Variants in LRRC49 observed in about 807,000 individuals in gnomAD.
LRRC49 encodes the protein leucine-rich repeat-containing protein 49.
Under a neutral mutation model 83.3 loss-of-function variants are expected in LRRC49, and 50 were observed. That is an observed-to-expected ratio of 0.60 (90% CI 0.48 to 0.76). The LOEUF (loss-of-function observed/expected upper bound fraction) is 0.76. Ranked by LOEUF, LRRC49 falls within the 30% of genes least tolerant of loss-of-function variation. The pLI is 0.00. For missense variants in LRRC49, 704 were observed against 809.1 expected (o/e 0.87, Z 1.58); for synonymous variants, 286 against 283.3 (o/e 1.01, Z -0.10).
intron 11 of LRRC49, among the ~76,000 whole-genome samples, chr15:71,006,473 CCTT>C (rs919124916): frequency 2.6e-5 from 4 of 152,084 alleles, no homozygotes; most frequent in Non-Finnish European, 4.4e-5. Flanking sequence ...TGTGGGTAAA[CCTT>C]CTTGCTAAAC....
At chr15:70,895,247 A>G (rs1313623487) in intron 2 of LRRC49, among the ~76,000 whole-genome samples, 2 of 152,150 alleles carry the variant, frequency 1.3e-5, no homozygotes, top group Admixed American at 1.3e-4. Flanking sequence ...CCCACCAGAT[A>G]ATTATTTTAG....
Position 70,986,677 on chromosome 15 carries a change from T to C in LRRC49, c.1169+2420T>C, listed in dbSNP as rs960927970. Among the ~76,000 whole-genome samples, 86 of 152,140 alleles carry C rather than the reference T, an allele frequency of 5.7e-4. 1 individual carries two copies. The highest frequency in any genetic ancestry group is 1.1e-3 in the Non-Finnish European group (73 of 68,020). On this transcript the variant is annotated intron_variant, in intron 11 of 15. Transcript: ENST00000260382. ...CCAGAACTTCCAACACTGTGTTGAA[T>C]AGGAGTGGTGAGAGAGGGCATCCCT...
intron 11 of LRRC49, among the ~76,000 whole-genome samples, chr15:71,002,160 G>A (rs971969472): frequency 2.0e-5 from 3 of 152,118 alleles, no homozygotes; most frequent in Non-Finnish European, 4.4e-5. Context: ...TCAGAGGGCC[G>A]CAAAGTTTCT....
At chr15:70,882,628 C>T (rs143098607) in intron 2 of LRRC49, 20 of 1,613,776 alleles carry the variant, frequency 1.2e-5, no homozygotes, top group Middle Eastern at 1.6e-4. Flanking sequence ...TTTTTCCAAA[C>T]GCTTTCACTT....
At chr15:70,961,305 A>C (rs1224585053) in intron 8 of LRRC49, among the ~76,000 whole-genome samples, 1 of 152,210 alleles carries the variant, frequency 6.6e-6, no homozygotes, top group Non-Finnish European at 1.5e-5. Flanking sequence ...AGATTGCAAG[A>C]TGATACAGCC....
chr15:71,019,731 A>T (rs183757165), intron 14 of LRRC49, among the ~76,000 whole-genome samples: 1 of 152,242 alleles, frequency 6.6e-6, no homozygotes, highest in African/African-American at 2.4e-5. Context: ...CAGTCCTCAT[A>T]TAGATGTGCA....
In LRRC49 at chr15:71,042,313, CAG is replaced by C. The variant is rs2039720541; in HGVS notation, c.1857+4984_1857+4985del. ...GATAGCTTCAGTGCAGTCATGTAAG[CAG>C]AGTCTTGATTAAAGTGATATGAGCA... On this transcript the variant is annotated intron_variant, in intron 15 of 15. Transcript: ENST00000260382. 5.9e-5 allele frequency among the ~76,000 whole-genome samples: 9 copies of C among 152,022 alleles called. No homozygotes were observed. In the South Asian group the frequency reaches 1.9e-3, roughly 32 times the overall value.
chr15:70,999,073 A>T (rs1326657476), intron 11 of LRRC49, among the ~76,000 whole-genome samples: 1 of 152,064 alleles, frequency 6.6e-6, no homozygotes, highest in African/African-American at 2.4e-5. Context: ...TTATTTGGTG[A>T]GACATCATTC....
At chr15:70,874,549 G>C (rs947997885) in intron 2 of LRRC49, among the ~76,000 whole-genome samples, 1 of 152,128 alleles carries the variant, frequency 6.6e-6, no homozygotes, top group South Asian at 2.1e-4. Flanking sequence ...GCATTTTTTG[G>C]TTTTTAGATG....
intron 11 of LRRC49, among the ~76,000 whole-genome samples, chr15:71,005,663 A>C (rs1958726342): frequency 2.6e-5 from 4 of 152,166 alleles, no homozygotes; most frequent in Admixed American, 2.6e-4. Flanking sequence ...GTATGATCTC[A>C]GTGTTGATTG....
intron 11 of LRRC49, among the ~76,000 whole-genome samples, chr15:70,989,632 G>A (rs1438754826): frequency 3.9e-5 from 6 of 152,106 alleles, no homozygotes; most frequent in Admixed American, 2.0e-4. Flanking sequence ...CTTTCAACTC[G>A]TCAAAGTCAT....
chr15:70,970,311 C>T (rs1367888073), intron 9 of LRRC49, among the ~76,000 whole-genome samples: 1 of 152,198 alleles, frequency 6.6e-6, no homozygotes, highest in African/African-American at 2.4e-5. Context: ...ACCAGCCTTG[C>T]ATCCCAGGGA....
intron 11 of LRRC49, among the ~76,000 whole-genome samples, chr15:71,006,188 G>A (rs1366146591): frequency 2.0e-5 from 3 of 152,106 alleles, no homozygotes; most frequent in Non-Finnish European, 2.9e-5. Flanking sequence ...ATGTAGCCTT[G>A]TTTATTATGT....
Position 70,963,914 on chromosome 15 carries a change from A to T in LRRC49, c.903A>T (p.Leu301=). ...AGAATATGATGCAGCTGCGCCAGCT[A>T]GATATGAAGAGAATCACGGTGAGAA... ...VLQNMMQLRQ[L]DMKRITEEER... The change falls in exon 9 of 16, where the codon CTA becomes CTT. Residue 301 remains leucine, a synonymous_variant. Transcript: ENST00000260382. 1 of 1,613,266 alleles carries T rather than the reference A, an allele frequency of 6.2e-7. No individual in the cohort carries two copies.
At chr15:70,973,143 G>GT (rs2037075174) in intron 9 of LRRC49, among the ~76,000 whole-genome samples, 1 of 152,128 alleles carries the variant, frequency 6.6e-6, no homozygotes, top group Admixed American at 6.5e-5. Flanking sequence ...GGTCTTTGCT[G>GT]TTGGTGACCT....
Position 71,009,802 on chromosome 15 carries a change from T to C in LRRC49, c.1408-5T>C. The stretch of plus-strand genomic sequence containing the variant: ...CTGATCTGTATTTGTGTTTTATCAT[T>C]GCAGCACCTTAAATTCAAGGAAACA... On this transcript the variant is annotated splice_polypyrimidine_tract_variant and splice_region_variant and intron_variant, in intron 12 of 15. Transcript: ENST00000260382. 6.2e-7 allele frequency: 1 copy of C among 1,605,510 alleles called. No individual in the cohort carries two copies. Among genetic ancestry groups the C allele is most frequent in the Non-Finnish European group, 8.5e-7 (1 of 1,173,638 alleles).
chr15:70,913,282 T>C (rs1346229351), intron 6 of LRRC49, among the ~76,000 whole-genome samples: 1 of 152,110 alleles, frequency 6.6e-6, no homozygotes, highest in African/African-American at 2.4e-5. Context: ...GTTCCAGTAG[T>C]TTTGGTGAAA....
chr15:70,986,254 TC>T (rs2141230668), intron 11 of LRRC49, among the ~76,000 whole-genome samples: 1 of 152,310 alleles, frequency 6.6e-6, no homozygotes, highest in East Asian at 1.9e-4. Context: ...TATTGATTCT[TC>T]CTACCCATGA....
At chr15:71,027,569 C>A (rs1334727109) in intron 14 of LRRC49, among the ~76,000 whole-genome samples, 6 of 152,184 alleles carry the variant, frequency 3.9e-5, no homozygotes, top group Admixed American at 3.9e-4. Context: ...TTCCTTCTAT[C>A]CATGAGCATG....
Sources: gnomAD v4.1 joint callset for allele counts (sites outside exome capture counted in the v4.1 genomes callset) on GRCh38, gnomAD v4.1.1 for gene constraint, MANE v1.5 for transcripts, NCBI Gene and HGNC (gene_info 2026-07-23, HGNC 2026-07-21) for gene names.